The following POU2AF2 variants were observed in gnomAD, a reference collection of about 807,000 sequenced individuals.
POU2AF2 encodes the protein POU domain class 2-associating factor 2.
At chr11:111,257,619 C>T in the POU2AF2 span, among the ~76,000 whole-genome samples, 1 of 152,156 alleles carries the variant, frequency 6.6e-6, no homozygotes, top group Non-Finnish European at 1.5e-5. Flanking sequence ...CATGATCCAC[C>T]TGCCTCGGCC....
the POU2AF2 span, among the ~76,000 whole-genome samples, chr11:111,250,679 A>G: frequency 6.6e-6 from 1 of 152,126 alleles, no homozygotes; most frequent in Non-Finnish European, 1.5e-5. Flanking sequence ...AGACAGAAAA[A>G]CTAGAATAGA....
the POU2AF2 span, among the ~76,000 whole-genome samples, chr11:111,259,743 C>T: frequency 5.9e-5 from 9 of 152,258 alleles, no homozygotes; most frequent in South Asian, 4.2e-4. Flanking sequence ...AAAAAAAGTA[C>T]GCACCGGTTC....
the POU2AF2 span, among the ~76,000 whole-genome samples, chr11:111,247,525 T>A: frequency 6.6e-6 from 1 of 152,166 alleles, no homozygotes; most frequent in African/African-American, 2.4e-5. Context: ...TGGTGGTTCA[T>A]GCCTGTAATC....
the POU2AF2 span, among the ~76,000 whole-genome samples, chr11:111,265,947 G>A: frequency 6.6e-6 from 1 of 151,660 alleles, no homozygotes; most frequent in African/African-American, 2.4e-5. Flanking sequence ...CATTCTTCCA[G>A]TCGAGATGGC....
chr11:111,247,848 T>TAGTTTATG, the POU2AF2 span, among the ~76,000 whole-genome samples: 8,839 of 149,944 alleles, frequency 0.059, 907 homozygotes, highest in African/African-American at 0.21. Flanking sequence ...ATTTCAAGAT[T>TAGTTTATG]AGTTTATGAG....
the POU2AF2 span, among the ~76,000 whole-genome samples, chr11:111,264,577 G>GAAAGAAAGAGA: frequency 5.7e-4 from 13 of 22,954 alleles, 1 homozygote; most frequent in Admixed American, 1.2e-3. Context: ...AGAAAGAAAG[G>GAAAGAAAGAGA]GAGAGAGAAA....
At chr11:111,275,170 C>T in the POU2AF2 span, among the ~76,000 whole-genome samples, 1 of 152,158 alleles carries the variant, frequency 6.6e-6, no homozygotes, top group Non-Finnish European at 1.5e-5. Flanking sequence ...AAGGTATCTA[C>T]GTCTAGGCTC....
the POU2AF2 span, among the ~76,000 whole-genome samples, chr11:111,265,798 A>T: frequency 6.6e-6 from 1 of 152,060 alleles, no homozygotes; most frequent in Non-Finnish European, 1.5e-5. Flanking sequence ...TTTTAATATA[A>T]TATACATAAG....
At chr11:111,251,084 T>C in the POU2AF2 span, among the ~76,000 whole-genome samples, 1 of 152,230 alleles carries the variant, frequency 6.6e-6, no homozygotes, top group Non-Finnish European at 1.5e-5. Flanking sequence ...GTGTTGAAAC[T>C]AGACTAGGGC....
chr11:111,282,459 A>C, the POU2AF2 span, among the ~76,000 whole-genome samples: 2 of 152,224 alleles, frequency 1.3e-5, no homozygotes, highest in Non-Finnish European at 2.9e-5. Flanking sequence ...AAGTGAGTGG[A>C]GTCGTGCCAC....
At chr11:111,257,724 C>G in the POU2AF2 span, among the ~76,000 whole-genome samples, 1 of 152,174 alleles carries the variant, frequency 6.6e-6, no homozygotes, top group African/African-American at 2.4e-5. Context: ...ATAAATGGAG[C>G]TTATCTGCTA....
the POU2AF2 span, among the ~76,000 whole-genome samples, chr11:111,264,528 GAA>G: frequency 4.7e-5 from 3 of 63,736 alleles, no homozygotes; most frequent in Middle Eastern, 9.1e-3. Context: ...AAGAAAGAAA[GAA>G]AGAAAGAAAG....
chr11:111,264,623 AAGAAAGAAAG>A, the POU2AF2 span, among the ~76,000 whole-genome samples: 29,381 of 76,804 alleles, frequency 0.38, 6,599 homozygotes, highest in South Asian at 0.64. Flanking sequence ...AAAGAAAGAG[AAGAAAGAAAG>A]AGAAAGAAAG....
the POU2AF2 span, among the ~76,000 whole-genome samples, chr11:111,280,057 A>ATATATATATATATATATATATAT: frequency 7.8e-5 from 6 of 76,474 alleles, no homozygotes; most frequent in Admixed American, 3.6e-4. Flanking sequence ...AAAAAAAAAA[A>ATATATATATATATATATATATAT]ATATATATAT....
chr11:111,269,735 A>G, the POU2AF2 span, among the ~76,000 whole-genome samples: 1 of 152,186 alleles, frequency 6.6e-6, no homozygotes, highest in South Asian at 2.1e-4. Flanking sequence ...AGGCATGCCA[A>G]GATCCAGGGG....
At chr11:111,286,333 T>C in the POU2AF2 span, 4 of 313,736 alleles carry the variant, frequency 1.3e-5, no homozygotes, top group South Asian at 3.2e-4. Context: ...CTGAATCTTC[T>C]GTTATCTTTG....
chr11:111,256,504 T>G, the POU2AF2 span, among the ~76,000 whole-genome samples: 1 of 152,240 alleles, frequency 6.6e-6, no homozygotes, highest in African/African-American at 2.4e-5. Flanking sequence ...TCCTCCTGAC[T>G]GAGGAGCCTG....
At chr11:111,250,642 G>A in the POU2AF2 span, among the ~76,000 whole-genome samples, 1,994 of 152,266 alleles carry the variant, frequency 0.013, 44 homozygotes, top group African/African-American at 0.045. Context: ...AATGATATAG[G>A]ACATAATAGA....
the POU2AF2 span, among the ~76,000 whole-genome samples, chr11:111,280,078 ATATC>A: frequency 2.1e-4 from 27 of 129,642 alleles, no homozygotes; most frequent in East Asian, 5.6e-3. Context: ...ATATATATAT[ATATC>A]TTTTGGAGGG....
Sources: allele counts gnomAD v4.1 joint callset (sites outside exome capture counted in the v4.1 genomes callset), GRCh38; gene constraint gnomAD v4.1.1; transcripts MANE v1.5; gene names NCBI Gene and HGNC (gene_info 2026-07-23, HGNC 2026-07-21).